HAPLN1: variants seen among roughly 807,000 people sequenced by gnomAD.
HAPLN1 encodes the protein Cartilage link protein.
Under a neutral mutation model 36.5 loss-of-function variants are expected in HAPLN1, and 13 were observed. The observed-to-expected ratio is 0.36, with a 90% CI of 0.23 to 0.57. The LOEUF is 0.57. Among genes scored for constraint, HAPLN1 ranks in the 20% least tolerant of loss-of-function variants. The pLI is 0.83. For missense variants in HAPLN1, 407 were observed against 439.7 expected, an observed-to-expected ratio of 0.93 and a Z score of 0.66; for synonymous variants, 202 against 169.8, an observed-to-expected ratio of 1.19 and a Z score of -1.48.
intron 2 of HAPLN1, among the ~76,000 whole-genome samples, chr5:83,653,523 T>C (rs1750133575): frequency 6.6e-6 from 1 of 152,260 alleles, no homozygotes; most frequent in East Asian, 1.9e-4. Flanking sequence ...AATTTGGATG[T>C]TAAAAACGTA....
At chr5:83,645,127 G>T (rs1254888092) in intron 3 of HAPLN1, among the ~76,000 whole-genome samples, 3 of 79,426 alleles carry the variant, frequency 3.8e-5, no homozygotes, top group African/African-American at 2.1e-4. Context: ...AGGGGATGTA[G>T]TGCTCCAAGA....
chr5:83,710,542 T>G (rs1751756815), intron 1 of HAPLN1, among the ~76,000 whole-genome samples: 1 of 150,644 alleles, frequency 6.6e-6, no homozygotes, highest in African/African-American at 2.4e-5. Context: ...CATAGGTAGT[T>G]CAGGAAAAAA....
chr5:83,685,462 TCACA>T (rs964825959), intron 1 of HAPLN1, among the ~76,000 whole-genome samples: 3 of 151,436 alleles, frequency 2.0e-5, no homozygotes, highest in African/African-American at 4.9e-5. Context: ...ATATTAGACA[TCACA>T]CACACACACA....
chr5:83,680,809 C>T (rs1750981147), intron 1 of HAPLN1, among the ~76,000 whole-genome samples: 1 of 152,048 alleles, frequency 6.6e-6, no homozygotes, highest in South Asian at 2.1e-4. Flanking sequence ...AAGAAGAAAA[C>T]ATCTATATTC....
intron 1 of HAPLN1, among the ~76,000 whole-genome samples, chr5:83,718,458 TAA>T (rs1410149239): frequency 6.6e-6 from 1 of 152,172 alleles, no homozygotes; most frequent in Non-Finnish European, 1.5e-5. Flanking sequence ...TCAGTGTAAA[TAA>T]AGAGATGCAT....
chr5:83,713,377 A>G (rs947240694), intron 1 of HAPLN1, among the ~76,000 whole-genome samples: 1 of 152,220 alleles, frequency 6.6e-6, no homozygotes, highest in African/African-American at 2.4e-5. Flanking sequence ...CTGTTATCCA[A>G]CTGAGTGGAT....
Position 83,641,550 on chromosome 5 carries a change from G to T in HAPLN1, c.1011C>A (p.Phe337Leu). The T allele has an allele frequency of 6.2e-7, 1 of 1,614,026 alleles. No individual in the cohort carries two copies. Among genetic ancestry groups the T allele is most frequent in the East Asian group, 2.2e-5 (1 of 44,868 alleles). Residue 337 changes from phenylalanine (F) to leucine (L), a missense_variant, in exon 5 of 5, where the codon TTC (phenylalanine) becomes TTA (leucine). Physicochemically the swap from Phe to Leu is conservative, Grantham distance 22. Coordinates refer to ENST00000274341, the MANE Select transcript of HAPLN1 (RefSeq NM_001884.4). ...CATACAGCTTATGCTTTTTATCTGGGAAACCCACGAAGCGCACTGCAGCCT... is the reference window on the plus strand; with the variant it reads ...CATACAGCTTATGCTTTTTATCTGGTAAACCCACGAAGCGCACTGCAGCCT... ...PTEAAVRFVG[F>L]PDKKHKLYGV...
intron 2 of HAPLN1, among the ~76,000 whole-genome samples, chr5:83,665,105 A>G (rs1750516306): frequency 6.6e-6 from 1 of 152,174 alleles, no homozygotes; most frequent in Non-Finnish European, 1.5e-5. Flanking sequence ...TTCATAACCC[A>G]TATAATACTG....
rs539790396 is a variant in HAPLN1, at chr5:83,688,642, C to CTTTTTTTTTTT, written c.-26-15104_-26-15094dup. ...TATTTGCCAAATGCAGCTTTTGATT[C>CTTTTTTTTTTT]TTTTTTTTTTTTTTTTTTTTTTTTT... is the stretch of plus-strand genomic sequence containing the variant. On this transcript the variant is annotated intron_variant, in intron 1 of 4. Coordinates refer to ENST00000274341, the MANE Select transcript of HAPLN1 (RefSeq NM_001884.4). Among the ~76,000 whole-genome samples, 92 of 80,594 alleles carry CTTTTTTTTTTT rather than the reference C, an allele frequency of 1.1e-3. 8 individuals carry two copies. The highest frequency in any genetic ancestry group is 1.5e-3 in the African/African-American group (29 of 19,104). The allele number at this position is 80,594 out of a possible 152,430, so 52.9% of individuals were successfully genotyped here.
chr5:83,677,408 T>C (rs994609874), intron 1 of HAPLN1, among the ~76,000 whole-genome samples: 1 of 152,202 alleles, frequency 6.6e-6, no homozygotes, highest in Non-Finnish European at 1.5e-5. Flanking sequence ...TAATGCTTCA[T>C]GCAAGCTGGA....
intron 1 of HAPLN1, among the ~76,000 whole-genome samples, chr5:83,690,295 A>T (rs1751241432): frequency 6.6e-6 from 1 of 152,096 alleles, no homozygotes; most frequent in African/African-American, 2.4e-5. Context: ...TGGGCTTTGA[A>T]AATTCCAGGA....
At chr5:83,695,665 T>C (rs1751377820) in intron 1 of HAPLN1, among the ~76,000 whole-genome samples, 1 of 147,856 alleles carries the variant, frequency 6.8e-6, no homozygotes, top group Non-Finnish European at 1.5e-5. Context: ...AATATATATC[T>C]ATATGTATTT....
chr5:83,693,863 G>T (rs1333818573), intron 1 of HAPLN1, among the ~76,000 whole-genome samples: 1 of 151,878 alleles, frequency 6.6e-6, no homozygotes, highest in Non-Finnish European at 1.5e-5. Flanking sequence ...AAATATTAGA[G>T]CATCCCTTTA....
chr5:83,718,687 G>A (rs1408619585), intron 1 of HAPLN1, among the ~76,000 whole-genome samples: 1 of 152,152 alleles, frequency 6.6e-6, no homozygotes, highest in Non-Finnish European at 1.5e-5. Context: ...CATGGCTGCA[G>A]GATGTCAGAA....
At chr5:83,651,565 T>C (rs542200011) in intron 3 of HAPLN1, among the ~76,000 whole-genome samples, 1 of 28,702 alleles carries the variant, frequency 3.5e-5, no homozygotes, top group Admixed American at 2.6e-4. Flanking sequence ...TAGGATTGTA[T>C]GGGATTCAAA....
intron 2 of HAPLN1, among the ~76,000 whole-genome samples, chr5:83,664,516 G>A (rs544585910): frequency 6.6e-6 from 1 of 152,084 alleles, no homozygotes; most frequent in African/African-American, 2.4e-5. Context: ...CCAAGCAGCT[G>A]GGACTACAGG....
At chr5:83,673,604 T>C (rs1372549234) in intron 1 of HAPLN1, 55 bp from the exon 2 acceptor site, 6 of 952,010 alleles carry the variant, frequency 6.3e-6, no homozygotes, top group Admixed American at 1.9e-5. Context: ...CTTTGGAGTG[T>C]TGCACTGCAC....
chr5:83,645,158 C>A (rs969059137), intron 3 of HAPLN1, among the ~76,000 whole-genome samples: 1 of 152,232 alleles, frequency 6.6e-6, no homozygotes, highest in African/African-American at 2.4e-5. Context: ...TCAAAATTCA[C>A]AATGTTTTTC....
In HAPLN1 at chr5:83,696,903, G is replaced by A. The variant is rs116283147; in HGVS notation, c.-26-23354C>T. Reference sequence around the variant, plus strand: ...AAACATTAAAAAACTAATGTAATTTGTATATCATAAAATGCACTCTTTAAG... The same window carrying A: ...AAACATTAAAAAACTAATGTAATTTATATATCATAAAATGCACTCTTTAAG... On this transcript the variant is annotated intron_variant, in intron 1 of 4. Coordinates refer to ENST00000274341, the MANE Select transcript of HAPLN1 (RefSeq NM_001884.4). Among the ~76,000 whole-genome samples the A allele has an allele frequency of 1.2e-3, 177 of 152,220 alleles. 2 individuals carry two copies. The highest frequency in any genetic ancestry group is 4.0e-3 in the African/African-American group (165 of 41,548).
Sources: allele counts gnomAD v4.1 joint callset (sites outside exome capture counted in the v4.1 genomes callset), GRCh38; gene constraint gnomAD v4.1.1; transcripts MANE v1.5; gene names NCBI Gene and HGNC (gene_info 2026-07-23, HGNC 2026-07-21).